Variants in PCDHGB7 observed in about 807,000 individuals in gnomAD.
PCDHGB7 encodes protocadherin gamma-B7.
PCDHGB7 carries 37 observed loss-of-function variants against 61.4 expected under a neutral mutation model. The observed-to-expected ratio is 0.60, with a 90% CI of 0.46 to 0.79. The LOEUF is 0.79. PCDHGB7 is among the 30% of genes least tolerant of loss of function. The pLI is 0.00. For synonymous variants in PCDHGB7, 464 were observed against 503.5 expected (o/e 0.92, Z 1.05); for missense variants, 1,166 against 1,202.5 (o/e 0.97, Z 0.45).
chr5:141,509,157 C>T lies in PCDHGB7; in HGVS notation c.2564-1790C>T, dbSNP rs369133984. Among the ~76,000 whole-genome samples the T allele has an allele frequency of 2.6e-4, 40 of 152,314 alleles. No individual in the cohort carries two copies. In the South Asian group the frequency reaches 7.0e-3, roughly 27 times the overall value. On this transcript the variant is annotated intron_variant, in intron 3 of 3. Transcript: ENST00000398594. The stretch of plus-strand genomic sequence containing the variant: ...GAGGCGCATCCCGGCTCTCCCCTCC[C>T]GTGTGCCCTCCTCCTCTTATGCCGG...
intron 1 of PCDHGB7, chr5:141,433,358 C>CCCAT (rs1554125967): frequency 7.1e-5 from 36 of 503,934 alleles, no homozygotes; most frequent in African/African-American, 1.2e-4. Flanking sequence ...CTACTGTCTG[C>CCCAT]CTATCTATCT....
Position 141,419,479 on chromosome 5 carries a change from C to A in PCDHGB7, c.1620C>A (p.Pro540=). Residue 540 remains proline (P), a synonymous_variant, in exon 1 of 4, where the codon CCC becomes CCA. Transcript: ENST00000398594. ...TGCAGGCCCGCGACCAGGGCTCGCC[C>A]GCGCTCAGCGCCAATGTGAGCCTGC... The part of the protein sequence containing the change: ...LTLQARDQGS[P]ALSANVSLRV... 1.2e-6 allele frequency: 2 copies of A among 1,612,390 alleles called. No individual in the cohort carries two copies. The highest frequency in any genetic ancestry group is 1.7e-6 in the Non-Finnish European group (2 of 1,179,520).
chr5:141,486,894 C>T lies in PCDHGB7; in HGVS notation c.2416-7913C>T. 1 of 1,614,228 alleles carries T rather than the reference C, an allele frequency of 6.2e-7. No homozygotes were observed. Among genetic ancestry groups the T allele is most frequent in the Non-Finnish European group, 8.5e-7 (1 of 1,180,052 alleles). On this transcript the variant is annotated intron_variant, in intron 1 of 3. Transcript: ENST00000398594. The surrounding 1 kb of genome is among the most constrained non-coding windows in gnomAD (Gnocchi z 5.0). ...CTCCGTCCTCGGGCCCGGCCTGGTT[C>T]CTTATGTCCCCAAGCACTGCCTCCA...
At chr5:141,462,813 TTGG>T (rs1474162732) in intron 1 of PCDHGB7, among the ~76,000 whole-genome samples, 1 of 152,198 alleles carries the variant, frequency 6.6e-6, no homozygotes, top group African/African-American at 2.4e-5. Flanking sequence ...AATGTTTTTA[TTGG>T]ACAGCAGACA....
chr5:141,429,314 C>A (rs1463397731), intron 1 of PCDHGB7, among the ~76,000 whole-genome samples: 2 of 151,722 alleles, frequency 1.3e-5, no homozygotes, highest in Admixed American at 6.6e-5. Flanking sequence ...GTATATAAGG[C>A]TTTTTCTTTA....
rs2099883748 is a variant in PCDHGB7 at position 141,511,359 on chromosome 5, T to A, written c.*186T>A. On this transcript the variant is annotated 3_prime_UTR_variant, in exon 4 of 4. Transcript: ENST00000398594. ...CACCTACCCCTTCCCCCCCAGGGGGTTGAATATGCAAAAGCAGTTCCGCTG... is the reference window on the plus strand; with the variant it reads ...CACCTACCCCTTCCCCCCCAGGGGGATGAATATGCAAAAGCAGTTCCGCTG... 2 of 1,339,338 alleles carry A rather than the reference T, an allele frequency of 1.5e-6. No individual in the cohort carries two copies. Among genetic ancestry groups the A allele is most frequent in the Non-Finnish European group, 2.0e-6 (2 of 1,000,492 alleles). The allele number at this position is 1,339,338 out of a possible 1,614,324, so 83.0% of individuals were successfully genotyped here. A position where few individuals can be genotyped will look rare whatever the true frequency, so the allele number is the denominator to read the frequency against.
intron 1 of PCDHGB7, chr5:141,421,588 G>A: frequency 1.2e-6 from 2 of 1,613,910 alleles, no homozygotes; most frequent in Non-Finnish European, 8.5e-7. Context: ...TTACGGAGTG[G>A]AGGTGGAAAT....
chr5:141,434,650 C>A (rs931043426), intron 1 of PCDHGB7, among the ~76,000 whole-genome samples: 6 of 152,092 alleles, frequency 3.9e-5, no homozygotes, highest in Non-Finnish European at 5.9e-5. Context: ...TTTAGTTAAT[C>A]TAATATCTAT....
chr5:141,427,798 T>A, intron 1 of PCDHGB7: 1 of 1,506,550 alleles, frequency 6.6e-7, no homozygotes. Context: ...TACGTGTCCG[T>A]GAGCGCACAG....
chr5:141,474,518 G>T (rs1054372142), intron 1 of PCDHGB7, among the ~76,000 whole-genome samples: 1 of 152,168 alleles, frequency 6.6e-6, no homozygotes, highest in African/African-American at 2.4e-5. Context: ...CCTCTTGCTG[G>T]TCTGGCTAAT....
intron 1 of PCDHGB7, chr5:141,422,369 G>A (rs890803753): frequency 6.4e-7 from 1 of 1,566,400 alleles, no homozygotes; most frequent in Non-Finnish European, 8.6e-7. Flanking sequence ...GGAGAAAATG[G>A]TCAAGTCTCC....
In PCDHGB7 at chr5:141,512,874, C is replaced by G. The variant is rs2099884476; in HGVS notation, c.*1701C>G. The G allele has an allele frequency of 6.6e-6, 1 of 152,246 alleles. No homozygotes were observed. Among genetic ancestry groups the G allele is most frequent in the Non-Finnish European group, 1.5e-5 (1 of 68,062 alleles). 9.4% of individuals were successfully genotyped at this position (152,246 alleles called of 1,614,324 possible). ...CTTCTCTTCGCATAGTCACGTAGCT[C>G]CCACCCCACCCTCTTCCTGTGTCTC... On this transcript the variant is annotated 3_prime_UTR_variant, in exon 4 of 4. Transcript: ENST00000398594.
At position 141,490,645 on chromosome 5, in the gene PCDHGB7, C is replaced by G; in HGVS notation, c.2416-4162C>G. ...TGCTTACATCCTAGAAAACCGGCCTCCGGGCTCCCTTCTTTGCACTGTGGC... is the reference window on the plus strand; with the variant it reads ...TGCTTACATCCTAGAAAACCGGCCTGCGGGCTCCCTTCTTTGCACTGTGGC... On this transcript the variant is annotated intron_variant, in intron 1 of 3. Transcript: ENST00000398594. The surrounding 1 kb of genome is among the most constrained non-coding windows in gnomAD (Gnocchi z 5.4). 6.2e-7 allele frequency: 1 copy of G among 1,614,220 alleles called. No homozygotes were observed. Among genetic ancestry groups the G allele is most frequent in the Non-Finnish European group, 8.5e-7 (1 of 1,180,022 alleles).
intron 3 of PCDHGB7, among the ~76,000 whole-genome samples, chr5:141,505,989 T>C (rs1275642739): frequency 6.6e-6 from 1 of 152,136 alleles, no homozygotes; most frequent in Non-Finnish European, 1.5e-5. Context: ...ACACCTCCTC[T>C]TTATGCGAGG....
At chr5:141,480,726 G>A (rs2099524533) in intron 1 of PCDHGB7, among the ~76,000 whole-genome samples, 1 of 152,138 alleles carries the variant, frequency 6.6e-6, no homozygotes, top group Non-Finnish European at 1.5e-5. Context: ...CACAGTCTCT[G>A]GGGGTGGGAC....
intron 1 of PCDHGB7, among the ~76,000 whole-genome samples, chr5:141,444,942 A>C (rs1272061494): frequency 6.6e-6 from 1 of 152,082 alleles, no homozygotes; most frequent in Non-Finnish European, 1.5e-5. Flanking sequence ...AGGAGGGAGG[A>C]GGATCATCTT....
At chr5:141,420,483 T>C in intron 1 of PCDHGB7, 2 of 581,364 alleles carry the variant, frequency 3.4e-6, no homozygotes, top group Non-Finnish European at 5.2e-6. Context: ...GCAAACTACA[T>C]GGGTAATCTC....
At chr5:141,430,743 T>C in intron 1 of PCDHGB7, 1 of 1,498,372 alleles carries the variant, frequency 6.7e-7, no homozygotes, top group Non-Finnish European at 8.9e-7. Flanking sequence ...TGAAAATAAT[T>C]CTGGAGGAAG....
intron 2 of PCDHGB7, among the ~76,000 whole-genome samples, chr5:141,499,689 CTTTTT>C (rs545067566): frequency 3.3e-5 from 4 of 119,852 alleles, no homozygotes; most frequent in Non-Finnish European, 3.5e-5. Flanking sequence ...TAACAGATGA[CTTTTT>C]TTTTTTTTTT....
Sources: gnomAD v4.1 joint callset for allele counts (sites outside exome capture counted in the v4.1 genomes callset) on GRCh38, gnomAD v4.1.1 for gene constraint, Gnocchi (gnomAD v3.1) non-coding constraint, MANE v1.5 for transcripts, NCBI Gene and HGNC (gene_info 2026-07-23, HGNC 2026-07-21) for gene names.